Variants in ACACA observed in about 807,000 individuals in gnomAD.
The protein encoded by ACACA is acetyl-CoA carboxylase 1.
ACACA carries 103 observed loss-of-function variants against 296.1 expected under a neutral mutation model. The observed-to-expected ratio is 0.35, with a 90% CI of 0.30 to 0.41. The LOEUF (loss-of-function observed/expected upper bound fraction) is 0.41. Ranked by LOEUF, ACACA falls within the 10% of genes least tolerant of loss-of-function variation. ACACA has a pLI of 1.00. For missense variants in ACACA, 1,554 were observed against 2,989.7 expected (o/e 0.52, Z 11.20); for synonymous variants, 953 against 1,038.6 (o/e 0.92, Z 1.58).
intron 11 of ACACA, among the ~76,000 whole-genome samples, chr17:37,261,366 T>C (rs957439068): frequency 6.6e-6 from 1 of 152,222 alleles, no homozygotes; most frequent in African/African-American, 2.4e-5. Context: ...AGTTTCTATA[T>C]CTAGAAGAAA....
intron 3 of ACACA, among the ~76,000 whole-genome samples, chr17:37,285,787 G>GCTA (rs1345362942): frequency 6.6e-6 from 1 of 152,048 alleles, no homozygotes; most frequent in African/African-American, 2.4e-5. Context: ...TCATAGTCAT[G>GCTA]CTACTGCACT....
chr17:37,187,468 C>A (rs116866880), intron 39 of ACACA, among the ~76,000 whole-genome samples: 2,097 of 152,248 alleles, frequency 0.014, 25 homozygotes, highest in East Asian at 0.047. Context: ...CAGGCCAAAG[C>A]CATAAAATAT....
chr17:37,260,803 T>C (rs1291082899), intron 11 of ACACA, among the ~76,000 whole-genome samples: 1 of 151,434 alleles, frequency 6.6e-6, no homozygotes, highest in Non-Finnish European at 1.5e-5. Flanking sequence ...GATGGTCTCG[T>C]GGAATAAAAC....
intron 3 of ACACA, among the ~76,000 whole-genome samples, chr17:37,329,668 G>A (rs1044575671): frequency 5.4e-5 from 8 of 148,386 alleles, no homozygotes; most frequent in Non-Finnish European, 8.9e-5. Flanking sequence ...TAGGCTGGGC[G>A]GGGTAGCTCA....
chr17:37,151,918 C>T (rs2076058620), intron 43 of ACACA, among the ~76,000 whole-genome samples: 1 of 152,116 alleles, frequency 6.6e-6, no homozygotes, highest in South Asian at 2.1e-4. Flanking sequence ...CCTCAGCCTC[C>T]CAAAGTGCTG....
intron 2 of ACACA, among the ~76,000 whole-genome samples, chr17:37,339,535 G>A (rs2048289660): frequency 6.6e-6 from 1 of 152,214 alleles, no homozygotes; most frequent in South Asian, 2.1e-4. Context: ...GAGAGGTCAT[G>A]TATGGAAAAT....
chr17:37,139,318 G>A (rs2075464033), intron 45 of ACACA, among the ~76,000 whole-genome samples: 1 of 152,118 alleles, frequency 6.6e-6, no homozygotes, highest in Non-Finnish European at 1.5e-5. Context: ...GCCACCCAAA[G>A]TGTGAGGTAG....
Position 37,191,238 on chromosome 17 carries a change from C to T in ACACA, c.4454G>A (p.Arg1485Gln). 1 of 1,613,984 alleles carries T rather than the reference C, an allele frequency of 6.2e-7. No individual in the cohort carries two copies. The highest frequency in any genetic ancestry group is 8.5e-7 in the Non-Finnish European group (1 of 1,179,972). ...SFEYLQNEGERLLLEAMDELE... is the reference protein window; with the variant it reads ...SFEYLQNEGEQLLLEAMDELE... ...CTCATCCATGGCTTCCAGGAGTAGC[C>T]GCTCCCCTTCATTTTGCAGATATTC... is the stretch of plus-strand genomic sequence containing the variant. Residue 1485 changes from arginine (R) to glutamine (Q), a missense_variant, in exon 38 of 56, where the codon CGG (arginine) becomes CAG (glutamine). By Grantham distance (43) the Arg-to-Gln change is conservative (BLOSUM62 1). Transcript: ENST00000616317.
chr17:37,101,405 A>C (rs879800557), intron 52 of ACACA, among the ~76,000 whole-genome samples: 2 of 152,222 alleles, frequency 1.3e-5, no homozygotes, highest in African/African-American at 2.4e-5. Context: ...TAAGTGCTTT[A>C]TATCTATTAA....
chr17:37,112,452 AGT>A (rs1364029989), intron 51 of ACACA, among the ~76,000 whole-genome samples: 2 of 152,218 alleles, frequency 1.3e-5, no homozygotes, highest in Non-Finnish European at 2.9e-5. Context: ...CAGTTTAGTA[AGT>A]TATGAGACTC....
At chr17:37,200,936 G>C (rs1022995797) in intron 33 of ACACA, among the ~76,000 whole-genome samples, 1 of 152,192 alleles carries the variant, frequency 6.6e-6, no homozygotes, top group African/African-American at 2.4e-5. Flanking sequence ...TTAGATTGTA[G>C]ATGTTACCTA....
chr17:37,331,695 T>C (rs1480187890), intron 2 of ACACA, among the ~76,000 whole-genome samples: 1 of 152,006 alleles, frequency 6.6e-6, no homozygotes, highest in Non-Finnish European at 1.5e-5. Context: ...TGTGAGCCAC[T>C]GTGCCCGGTC....
At position 37,240,916 on chromosome 17, in the gene ACACA, G is replaced by A. The variant is rs149606392; in HGVS notation, c.3033-352C>T. On this transcript the variant is annotated intron_variant, in intron 23 of 55. Coordinates refer to ENST00000616317, the MANE Select transcript of ACACA (RefSeq NM_198834.3). ...AAGTTAAAAGTGTTCTGTGAGGCCG[G>A]TTGCCTTAGCTCACATCTGCAATCC... Among the ~76,000 whole-genome samples, 173 of 152,254 alleles carry A rather than the reference G, an allele frequency of 1.1e-3. 3 individuals are homozygous for A. In the East Asian group the frequency reaches 0.03, roughly 27 times the overall value.
intron 1 of ACACA, among the ~76,000 whole-genome samples, chr17:37,399,094 C>T (rs1271153952): frequency 6.6e-6 from 1 of 151,652 alleles, no homozygotes; most frequent in South Asian, 2.1e-4. Context: ...ATTCTCCTGC[C>T]TCAGCCTCCC....
chr17:37,354,937 T>A (rs1390957029), intron 1 of ACACA, among the ~76,000 whole-genome samples: 1 of 150,254 alleles, frequency 6.7e-6, no homozygotes, highest in Non-Finnish European at 1.5e-5. Flanking sequence ...TCTAAAAAAA[T>A]AATAAATCAA....
intron 3 of ACACA, among the ~76,000 whole-genome samples, chr17:37,312,365 C>T (rs141268534): frequency 1.3e-5 from 2 of 152,272 alleles, no homozygotes; most frequent in African/African-American, 4.8e-5. Context: ...ATCTGAATAC[C>T]ATGACTGAAT....
Position 37,188,378 on chromosome 17 carries a change from T to G in ACACA, c.4675A>C (p.Thr1559Pro). 2 of 1,614,144 alleles carry G rather than the reference T, an allele frequency of 1.2e-6. No homozygotes were observed. The highest frequency in any genetic ancestry group is 1.7e-6 in the Non-Finnish European group (2 of 1,180,004). Residue 1559 changes from threonine (T) to proline (P), a missense_variant, in exon 39 of 56, where the codon ACT (threonine) becomes CCT (proline). Physicochemically the swap from Thr to Pro is conservative, Grantham distance 38. Transcript: ENST00000616317. The stretch of plus-strand genomic sequence containing the variant: ...AGGCGGATGGGAATTGCTTTTCCAG[T>G]TGGCGTCAGGCGAATGTTGATTTTC... Reference protein sequence around the residue: ...ELKINIRLTPTGKAIPIRLFL... With the variant: ...ELKINIRLTPPGKAIPIRLFL...
intron 41 of ACACA, chr17:37,163,197 A>AAAAAAAAAAAAAAAAAAAAC (rs2076535152): frequency 1.3e-5 from 1 of 75,326 alleles, no homozygotes; most frequent in African/African-American, 6.6e-5. Context: ...TCACGGTGCT[A>AAAAAAAAAAAAAAAAAAAAC]AAAAAAAAAA....
chr17:37,223,511 C>T lies in ACACA; in HGVS notation c.3564+1G>A, dbSNP rs750250167. On this transcript the variant is annotated splice_donor_variant, in intron 28 of 55. Transcript: ENST00000616317. LOFTEE classifies it high-confidence loss of function. ...CATGTCCCATTACCATAAATACTTA[C>T]CTCCAGAGCTGCCATCCTCACTACT... is the stretch of plus-strand genomic sequence containing the variant. The T allele has an allele frequency of 6.3e-7, 1 of 1,596,892 alleles. No homozygotes were observed. The highest frequency in any genetic ancestry group is 1.7e-5 in the Admixed American group (1 of 60,002).
Sources: allele counts gnomAD v4.1 joint callset (sites outside exome capture counted in the v4.1 genomes callset), GRCh38; gene constraint gnomAD v4.1.1; transcripts MANE v1.5; gene names NCBI Gene and HGNC (gene_info 2026-07-23, HGNC 2026-07-21).